The following CDH4 variants were observed in gnomAD, a reference collection of about 807,000 sequenced individuals.
CDH4 encodes the protein cadherin 4.
CDH4 carries 33 observed loss-of-function variants against 86.0 expected under a neutral mutation model. That is an observed-to-expected ratio of 0.38 (90% CI 0.29 to 0.51). CDH4 has a LOEUF of 0.51. CDH4 is among the 20% of genes least tolerant of loss of function. The pLI is 0.86. For synonymous variants in CDH4, 555 were observed against 549.4 expected, an observed-to-expected ratio of 1.01 and a Z score of -0.14; for missense variants, 1,114 against 1,307.4, an observed-to-expected ratio of 0.85 and a Z score of 2.28.
At chr20:61,783,283 G>A (rs1047727579) in intron 4 of CDH4, among the ~76,000 whole-genome samples, 5 of 152,158 alleles carry the variant, frequency 3.3e-5, no homozygotes, top group Admixed American at 2.6e-4. Context: ...TTCTAGGGTC[G>A]ATGGTTTAAA....
chr20:61,364,321 A>G (rs2084799478), intron 2 of CDH4, among the ~76,000 whole-genome samples: 1 of 152,088 alleles, frequency 6.6e-6, no homozygotes, highest in African/African-American at 2.4e-5. Context: ...GGACTCTTAG[A>G]TCAACTTGCC....
At chr20:61,275,276 C>T (rs200665271) in intron 2 of CDH4, among the ~76,000 whole-genome samples, 17 of 76,674 alleles carry the variant, frequency 2.2e-4, no homozygotes, top group South Asian at 4.9e-4. Flanking sequence ...GAGCACCATG[C>T]GCAGTTGGGG....
intron 2 of CDH4, among the ~76,000 whole-genome samples, chr20:61,642,986 C>T (rs1256538420): frequency 2.0e-5 from 3 of 152,234 alleles, no homozygotes; most frequent in Non-Finnish European, 2.9e-5. Flanking sequence ...TCTCAAGATC[C>T]TTAACTCAGT....
chr20:61,304,976 G>A (rs1167497426), intron 2 of CDH4, among the ~76,000 whole-genome samples: 2 of 151,844 alleles, frequency 1.3e-5, no homozygotes, highest in Non-Finnish European at 2.9e-5. Flanking sequence ...CATGTGCTGT[G>A]CGTGGGTGTG....
At chr20:61,313,192 A>C (rs1315807915) in intron 2 of CDH4, among the ~76,000 whole-genome samples, 2 of 152,136 alleles carry the variant, frequency 1.3e-5, no homozygotes, top group Non-Finnish European at 2.9e-5. Context: ...TCAATCGTGC[A>C]CTACGTGGGG....
intron 2 of CDH4, among the ~76,000 whole-genome samples, chr20:61,543,438 G>A (rs559259574): frequency 1.3e-5 from 2 of 152,314 alleles, no homozygotes; most frequent in African/African-American, 4.8e-5. Context: ...TAAAAGTTTG[G>A]TTGGCAGTAC....
chr20:61,731,835 G>A (rs946252633), intron 2 of CDH4, among the ~76,000 whole-genome samples: 5 of 152,158 alleles, frequency 3.3e-5, no homozygotes, highest in African/African-American at 4.8e-5. Flanking sequence ...TCACCCCCAC[G>A]AGGACTCGGG....
intron 6 of CDH4, among the ~76,000 whole-genome samples, chr20:61,858,708 T>C (rs1266804209): frequency 1.3e-5 from 2 of 152,238 alleles, no homozygotes; most frequent in African/African-American, 4.8e-5. Context: ...TCCTGCAGCA[T>C]CGTTCTCTGG....
chr20:61,359,315 G>A (rs1214121121), intron 2 of CDH4, among the ~76,000 whole-genome samples: 3 of 152,146 alleles, frequency 2.0e-5, no homozygotes, highest in Non-Finnish European at 2.9e-5. Context: ...CAGCTACGCC[G>A]ACCCCGAATT....
rs771730396 is a variant in CDH4, at chr20:61,743,617, T to C, written c.224T>C (p.Met75Thr). Residue 75 changes from methionine to threonine, a missense_variant, in exon 3 of 16, where the codon ATG becomes ACG. Around this residue, in one of 3 missense-constraint regions of CDH4, gnomAD observed 221 missense variants for 209.5 expected, o/e 1.05. Transcript: ENST00000614565. ...GGGACACAATATGAGACCAACAGCA[T>C]GGACTTCAAAGTTGGGGCAGATGGG... is the stretch of plus-strand genomic sequence containing the variant. ...TKGTQYETNSMDFKVGADGTV... is the reference protein window; with the variant it reads ...TKGTQYETNSTDFKVGADGTV... 4 of 1,586,858 alleles carry C rather than the reference T, an allele frequency of 2.5e-6. No homozygotes were observed. Among genetic ancestry groups the C allele is most frequent in the Admixed American group, 3.6e-5 (2 of 55,964 alleles).
chr20:61,379,758 C>A (rs1435219083), intron 2 of CDH4, among the ~76,000 whole-genome samples: 1 of 152,220 alleles, frequency 6.6e-6, no homozygotes, highest in East Asian at 1.9e-4. Flanking sequence ...TTAACCAACT[C>A]TACCCAAGGC....
At chr20:61,428,088 C>A (rs1239823888) in intron 2 of CDH4, among the ~76,000 whole-genome samples, 1 of 152,100 alleles carries the variant, frequency 6.6e-6, no homozygotes, top group Admixed American at 6.5e-5. Flanking sequence ...AGACAGAGAC[C>A]CCCAGCAGGA....
At chr20:61,732,850 C>G (rs928093312) in intron 2 of CDH4, among the ~76,000 whole-genome samples, 14 of 152,226 alleles carry the variant, frequency 9.2e-5, no homozygotes. Context: ...CCTGTGTTGC[C>G]CGAGGCTTTG....
chr20:61,656,927 T>A (rs1459796521), intron 2 of CDH4, among the ~76,000 whole-genome samples: 1 of 152,154 alleles, frequency 6.6e-6, no homozygotes, highest in Non-Finnish European at 1.5e-5. Flanking sequence ...CAGCGCTCCA[T>A]GTTGTCACTG....
intron 2 of CDH4, among the ~76,000 whole-genome samples, chr20:61,742,415 A>T (rs1257032325): frequency 1.3e-5 from 2 of 152,224 alleles, no homozygotes; most frequent in Non-Finnish European, 2.9e-5. Context: ...CAGACACGTT[A>T]TTTATTCTTT....
chr20:61,359,444 G>A (rs1363935257), intron 2 of CDH4, among the ~76,000 whole-genome samples: 4 of 152,204 alleles, frequency 2.6e-5, no homozygotes, highest in Non-Finnish European at 4.4e-5. Context: ...TGAAGCTCCC[G>A]ACTTCCCCAG....
At chr20:61,253,085 G>A (rs904289600) in intron 1 of CDH4, among the ~76,000 whole-genome samples, 3 of 151,600 alleles carry the variant, frequency 2.0e-5, no homozygotes, top group Non-Finnish European at 2.9e-5. Context: ...GGTCCGTCTA[G>A]CGGCGCCGCT....
In CDH4 at chr20:61,526,176, C is replaced by CT. The variant is rs561188430; in HGVS notation, c.170-217386dup. On this transcript the variant is annotated intron_variant, in intron 2 of 15. Coordinates refer to ENST00000614565, the MANE Select transcript of CDH4 (RefSeq NM_001794.5). Reference sequence around the variant, plus strand: ...CCCTCTCCTGCTGGTGCCCCTCCCCCTCCCCGGGTGGTTCTGTCCAGCATT... The same window carrying CT: ...CCCTCTCCTGCTGGTGCCCCTCCCCCTTCCCCGGGTGGTTCTGTCCAGCATT... Among the ~76,000 whole-genome samples the CT allele has an allele frequency of 3.2e-4, 49 of 152,136 alleles. No homozygotes were observed. The East Asian group carries it at 8.9e-3, about 28-fold the overall frequency.
At chr20:61,577,229 GAT>G in intron 2 of CDH4, among the ~76,000 whole-genome samples, 1 of 151,694 alleles carries the variant, frequency 6.6e-6, no homozygotes. Flanking sequence ...AGGATGAGTG[GAT>G]ATGTATTGAA....
Sources: allele counts gnomAD v4.1 joint callset (sites outside exome capture counted in the v4.1 genomes callset), GRCh38; gene constraint gnomAD v4.1.1; regional missense constraint gnomAD v4.1.1; transcripts MANE v1.5; gene names NCBI Gene and HGNC (gene_info 2026-07-23, HGNC 2026-07-21).